Variants in EPG5 observed in about 807,000 individuals in gnomAD.
EPG5 encodes ectopic P-granules 5 autophagy tethering factor.
A neutral mutation model predicts 302.7 loss-of-function variants in EPG5; 159 were observed. The observed-to-expected ratio is 0.53, with a 90% confidence interval of 0.46 to 0.60. EPG5 has a LOEUF of 0.60. Ranked by LOEUF, EPG5 falls within the 20% of genes least tolerant of loss-of-function variation. EPG5 has a pLI of 0.00. For synonymous variants in EPG5, 1,158 were observed against 1,136.8 expected, an observed-to-expected ratio of 1.02 and a Z score of -0.37; for missense variants, 2,896 against 3,092.4, an observed-to-expected ratio of 0.94 and a Z score of 1.51.
intron 23 of EPG5, 144 bp from the exon 24 acceptor site, chr18:45,908,225 C>G: frequency 1.7e-6 from 1 of 591,156 alleles, no homozygotes; most frequent in Non-Finnish European, 2.7e-6. Flanking sequence ...ACCACCACGG[C>G]TCCCAGAGAA....
chr18:45,959,410 G>T lies in EPG5; in HGVS notation c.64-4072C>A, dbSNP rs2051099632. Among the ~76,000 whole-genome samples, 5 of 151,782 alleles carry T rather than the reference G, an allele frequency of 3.3e-5. No homozygotes were observed. In the South Asian group the frequency reaches 1.0e-3, roughly 32 times the overall value. ...ACCTGTAATCCCAGCACTTTGGAAG[G>T]CTGAGGCAGGTGGATTACGAGGTCA... is the stretch of plus-strand genomic sequence containing the variant. On this transcript the variant is annotated intron_variant, in intron 1 of 43. Transcript: ENST00000282041.
intron 31 of EPG5, among the ~76,000 whole-genome samples, chr18:45,881,894 T>C (rs1321851102): frequency 6.6e-6 from 1 of 152,232 alleles, no homozygotes; most frequent in Non-Finnish European, 1.5e-5. Flanking sequence ...CAAACTGTCA[T>C]ATTAAACATA....
At chr18:45,938,746 G>A (rs1346289300) in intron 10 of EPG5, among the ~76,000 whole-genome samples, 3 of 152,144 alleles carry the variant, frequency 2.0e-5, no homozygotes, top group African/African-American at 2.4e-5. Flanking sequence ...CACCATCTCC[G>A]TTTTAGAAAT....
At chr18:45,923,657 C>T (rs1424457719) in intron 14 of EPG5, among the ~76,000 whole-genome samples, 1 of 152,200 alleles carries the variant, frequency 6.6e-6, no homozygotes. Context: ...TCCCCCATTC[C>T]ACCCAAGAAT....
At chr18:45,835,313 G>A in the EPG5 span, among the ~76,000 whole-genome samples, 25 of 152,320 alleles carry the variant, frequency 1.6e-4, no homozygotes, top group South Asian at 6.2e-4. Context: ...ATGTGCACTA[G>A]AGAGAAAAAG....
At chr18:45,908,171 CAT>C (rs2049804834) in intron 23 of EPG5, 90 bp from the exon 24 acceptor site, 1 of 1,043,828 alleles carries the variant, frequency 9.6e-7, no homozygotes, top group African/African-American at 1.7e-5. Flanking sequence ...GGCACCCCTA[CAT>C]AAGAGTAAAG....
rs775481546 is a variant in EPG5, at chr18:45,910,654, C to T, written c.4072G>A (p.Glu1358Lys). ...LLKEMKRRLT[E>K]VADFHHAASK... The stretch of plus-strand genomic sequence containing the variant: ...GCAGCATGGTGGAAGTCAGCCACCT[C>T]GGTCAAACGTCTCTTCATTTCTTTC... The change falls in exon 23 of 44, where the codon GAG becomes AAG. Residue 1358 changes from glutamate to lysine, a missense_variant. Transcript: ENST00000282041. 3.0e-5 allele frequency: 49 copies of T among 1,614,032 alleles called. No individual in the cohort carries two copies. The highest frequency in any genetic ancestry group is 1.9e-4 in the African/African-American group (14 of 74,906).
the EPG5 span, among the ~76,000 whole-genome samples, chr18:45,823,524 T>G: frequency 9.2e-5 from 14 of 152,306 alleles, no homozygotes; most frequent in Admixed American, 8.5e-4. Flanking sequence ...GACCACTGCA[T>G]CACCCTGCAA....
chr18:45,861,858 T>G (rs968733518), intron 39 of EPG5, among the ~76,000 whole-genome samples: 3 of 152,204 alleles, frequency 2.0e-5, no homozygotes, highest in African/African-American at 7.2e-5. Context: ...ATGACAATCT[T>G]AGTCATTCAC....
chr18:45,914,219 C>T (rs1030367623), intron 20 of EPG5, among the ~76,000 whole-genome samples: 3 of 152,018 alleles, frequency 2.0e-5, no homozygotes, highest in Non-Finnish European at 4.4e-5. Context: ...TGAGCAGTGA[C>T]GAGGACTGAG....
intron 36 of EPG5, chr18:45,868,090 C>A (rs960908896): frequency 2.1e-6 from 1 of 467,528 alleles, no homozygotes; most frequent in Non-Finnish European, 4.3e-6. Flanking sequence ...CTCAGGTGTG[C>A]CAGGACAGGG....
Position 45,922,380 on chromosome 18 carries a change from C to A in EPG5, c.3059G>T (p.Gly1020Val). 6.2e-7 allele frequency: 1 copy of A among 1,614,186 alleles called. No individual in the cohort carries two copies. The highest frequency in any genetic ancestry group is 2.2e-5 in the East Asian group (1 of 44,872). The change falls in exon 16 of 44, where the codon GGC (glycine) becomes GTC (valine). Residue 1020 changes from glycine (G) to valine (V), a missense_variant. Coordinates refer to ENST00000282041, the MANE Select transcript of EPG5 (RefSeq NM_020964.3). ...LKAVKAGMPIGCYLALSMTAV... is the reference protein window; with the variant it reads ...LKAVKAGMPIVCYLALSMTAV... ...TGTCATAGATAAGGCTAGATAACAG[C>A]CAATGGGCATGCCCGCTTTCACAGC...
Position 45,916,113 on chromosome 18 carries a change from A to T in EPG5, c.3478T>A (p.Tyr1160Asn). 1 of 1,614,200 alleles carries T rather than the reference A, an allele frequency of 6.2e-7. No individual in the cohort carries two copies. Residue 1160 changes from tyrosine (Y) to asparagine (N), a missense_variant, in exon 19 of 44, where the codon TAC (tyrosine) becomes AAC (asparagine). This residue lies in a region of EPG5 where 1,390 missense variants were observed against 1,430.0 expected (regional missense o/e 0.97). Transcript: ENST00000282041. Reference sequence around the variant, plus strand: ...AGGAAGAGGATAGGTTGTTCTCGGTACCAGAGATGCTGGCTTATGAGAGCC... The same window carrying T: ...AGGAAGAGGATAGGTTGTTCTCGGTTCCAGAGATGCTGGCTTATGAGAGCC... ...VQALISQHLW[Y>N]REQPILFLMD... is the part of the protein sequence containing the mutation.
intron 27 of EPG5, among the ~76,000 whole-genome samples, chr18:45,896,447 T>C (rs1005305106): frequency 3.3e-4 from 51 of 152,252 alleles, no homozygotes; most frequent in African/African-American, 1.0e-3. Flanking sequence ...TACAGCTATT[T>C]TTTCAAATTC....
the EPG5 span, chr18:45,838,809 C>T: frequency 6.4e-7 from 1 of 1,559,584 alleles, no homozygotes; most frequent in Non-Finnish European, 8.6e-7. Flanking sequence ...CGCCGCCCGC[C>T]CTCGCCTGGT....
At position 45,938,039 on chromosome 18, in the gene EPG5, C is replaced by T. The variant is rs144613275; in HGVS notation, c.2099+1561G>A. 6.2e-3 allele frequency among the ~76,000 whole-genome samples: 941 copies of T among 152,296 alleles called. 8 individuals carry two copies. Among genetic ancestry groups the T allele is most frequent in the African/African-American group, 0.021 (862 of 41,546 alleles). The stretch of plus-strand genomic sequence containing the variant: ...CAAGTAACAGATCAGAGAAGGAAGA[C>T]TCCTCCCATGCACCAGGCCAGCGTC... On this transcript the variant is annotated intron_variant, in intron 10 of 43. Coordinates refer to ENST00000282041, the MANE Select transcript of EPG5 (RefSeq NM_020964.3).
At chr18:45,946,097 T>C (rs72918375) in intron 7 of EPG5, among the ~76,000 whole-genome samples, 13,947 of 152,214 alleles carry the variant, frequency 0.092, 686 homozygotes, top group African/African-American at 0.13. Context: ...ACAATGACTA[T>C]AGTAGAAAGG....
At chr18:45,854,704 A>T (rs899483094) in intron 43 of EPG5, among the ~76,000 whole-genome samples, 9 of 152,120 alleles carry the variant, frequency 5.9e-5, no homozygotes, top group African/African-American at 1.2e-4. Context: ...TACAAAAAAA[A>T]TTTTTAATTA....
intron 31 of EPG5, among the ~76,000 whole-genome samples, chr18:45,881,482 TG>T (rs2049096516): frequency 6.6e-6 from 1 of 152,330 alleles, no homozygotes; most frequent in South Asian, 2.1e-4. Flanking sequence ...CCCGATACAC[TG>T]GATCATTAAC....
Sources: gnomAD v4.1 joint callset for allele counts (sites outside exome capture counted in the v4.1 genomes callset) on GRCh38, gnomAD v4.1.1 for gene constraint, gnomAD v4.1.1 regional missense constraint, MANE v1.5 for transcripts, NCBI Gene and HGNC (gene_info 2026-07-23, HGNC 2026-07-21) for gene names.